The following UGT2B11 variants were observed in gnomAD, a reference collection of about 807,000 sequenced individuals.
The protein encoded by UGT2B11 is UDP glucuronosyltransferase family 2 member B11.
A neutral mutation model predicts 51.7 loss-of-function variants in UGT2B11; 49 were observed. That is an observed-to-expected ratio of 0.95 (90% CI 0.75 to 1.20). UGT2B11 has a LOEUF of 1.20. Ranked by LOEUF, UGT2B11 falls within the 50% of genes most tolerant of loss-of-function variation. The pLI is 0.00. For synonymous variants in UGT2B11, 273 were observed against 209.0 expected, an observed-to-expected ratio of 1.31 and a Z score of -2.64; for missense variants, 810 against 622.1, an observed-to-expected ratio of 1.30 and a Z score of -3.21.
At position 69,200,306 on chromosome 4, in the gene UGT2B11, T is replaced by A. The variant is rs1577957496; in HGVS notation, c.*134A>T. 1.6e-6 allele frequency: 2 copies of A among 1,235,764 alleles called. No homozygotes were observed. Among genetic ancestry groups the A allele is most frequent in the Admixed American group, 3.8e-5 (1 of 26,130 alleles). The allele number at this position is 1,235,764 out of a possible 1,614,324, so 76.5% of individuals were successfully genotyped here. A position where few individuals can be genotyped will look rare whatever the true frequency, so the allele number is the denominator to read the frequency against. On this transcript the variant is annotated 3_prime_UTR_variant, in exon 6 of 6. Coordinates refer to ENST00000446444, the MANE Select transcript of UGT2B11 (RefSeq NM_001073.3). ...CAAATTTTTACTTGACAAGGTAGATTTGAAAATTTTTTTTTTTTTTTTTTT... is the reference window on the plus strand; with the variant it reads ...CAAATTTTTACTTGACAAGGTAGATATGAAAATTTTTTTTTTTTTTTTTTT...
rs555519374 is a variant in UGT2B11, at chr4:69,200,150, A to C, written c.*290T>G. 288 of 233,940 alleles carry C rather than the reference A, an allele frequency of 1.2e-3. 2 individuals carry two copies. The highest frequency in any genetic ancestry group is 2.8e-3 in the Admixed American group (51 of 18,432). The allele number at this position is 233,940 out of a possible 1,614,324, so 14.5% of individuals were successfully genotyped here. A position where few individuals can be genotyped will look rare whatever the true frequency, so the allele number is the denominator to read the frequency against. The stretch of plus-strand genomic sequence containing the variant: ...TGTAACTTGTGAATTCAAACAACAA[A>C]TCTCAATATAAGTGCAACAAATTTC... On this transcript the variant is annotated 3_prime_UTR_variant, in exon 6 of 6. Transcript: ENST00000446444.
chr4:69,208,786 G>A (rs967866339), intron 2 of UGT2B11, among the ~76,000 whole-genome samples: 2 of 151,534 alleles, frequency 1.3e-5, no homozygotes, highest in African/African-American at 4.8e-5. Context: ...AATATACCCA[G>A]ACCCTTCACT....
At chr4:69,219,462 T>C (rs995511108), upstream of UGT2B11, among the ~76,000 whole-genome samples, 9 of 149,888 alleles carry the variant, frequency 6.0e-5, no homozygotes, top group African/African-American at 2.0e-4. Context: ...TGTTCTCTTC[T>C]ATTGATTTTG....
At chr4:69,223,012 G>T in the UGT2B11 span, among the ~76,000 whole-genome samples, 1 of 152,164 alleles carries the variant, frequency 6.6e-6, no homozygotes, top group Admixed American at 6.5e-5. Context: ...AAGCTTGCAG[G>T]CTTGGCACAG....
At chr4:69,213,674 T>C (rs1722157512) in intron 1 of UGT2B11, among the ~76,000 whole-genome samples, 2 of 151,860 alleles carry the variant, frequency 1.3e-5, no homozygotes, top group South Asian at 4.1e-4. Context: ...TTCAGTAAGA[T>C]GTTACTTGAT....
chr4:69,204,366 G>T, intron 5 of UGT2B11, 64 bp downstream of exon 5: 3 of 1,592,258 alleles, frequency 1.9e-6, no homozygotes, highest in South Asian at 2.2e-5. Flanking sequence ...TGAAACTCAT[G>T]CTCACTATTG....
chr4:69,215,232 A>C (rs543582861), upstream of UGT2B11: 1 of 152,798 alleles, frequency 6.5e-6, no homozygotes, highest in East Asian at 1.9e-4. Context: ...AATCAGTTTT[A>C]TCTAAAAAAA....
At chr4:69,212,544 C>A in intron 2 of UGT2B11, 29 bp downstream of exon 2, 1 of 1,593,016 alleles carries the variant, frequency 6.3e-7, no homozygotes, top group Admixed American at 1.8e-5. Context: ...TCGAAGCCAA[C>A]AAAATAAAAC....
upstream of UGT2B11, among the ~76,000 whole-genome samples, chr4:69,217,853 A>G (rs1722312738): frequency 6.6e-6 from 1 of 152,076 alleles, no homozygotes; most frequent in African/African-American, 2.4e-5. Context: ...TTCACAATCA[A>G]GATGCTGGTA....
At chr4:69,212,263 C>T (rs1402644983) in intron 2 of UGT2B11, among the ~76,000 whole-genome samples, 4 of 151,540 alleles carry the variant, frequency 2.6e-5, no homozygotes, top group African/African-American at 9.7e-5. Flanking sequence ...GTGTTTTGTG[C>T]TAATCCTTTT....
chr4:69,212,466 T>C, intron 2 of UGT2B11, 107 bp downstream of exon 2: 1 of 1,535,298 alleles, frequency 6.5e-7, no homozygotes, highest in South Asian at 1.3e-5. Context: ...ACCACCTACT[T>C]CCCATCTTTC....
intron 3 of UGT2B11, among the ~76,000 whole-genome samples, chr4:69,207,299 A>G (rs1577962449): frequency 1.3e-5 from 2 of 151,750 alleles, no homozygotes; most frequent in Admixed American, 6.6e-5. Flanking sequence ...AAACTGAACA[A>G]TAATTTGCAG....
At chr4:69,210,282 G>T (rs532031938) in intron 2 of UGT2B11, among the ~76,000 whole-genome samples, 7 of 151,504 alleles carry the variant, frequency 4.6e-5, no homozygotes, top group African/African-American at 1.2e-4. Flanking sequence ...TTTCCATAAG[G>T]TTTAATAGGT....
At chr4:69,208,330 C>A in intron 3 of UGT2B11, 21 bp downstream of exon 3, 1 of 1,609,122 alleles carries the variant, frequency 6.2e-7, no homozygotes, top group Non-Finnish European at 8.5e-7. Flanking sequence ...TTTTCCACAC[C>A]AGTAAGGCCC....
chr4:69,200,572 G>A lies in UGT2B11; in HGVS notation c.1458C>T (p.Phe486=), dbSNP rs1721616173. The change falls in exon 6 of 6, where the codon TTC becomes TTT. Residue 486 remains phenylalanine (F), a synonymous_variant. Coordinates refer to ENST00000446444, the MANE Select transcript of UGT2B11 (RefSeq NM_001073.3). ...CAATCACATCCAAAGAGTGGTACTG[G>A]AACCAGGTGAGGTCATGGGCTGCAA... The part of the protein sequence containing the change: ...LRVAAHDLTW[F]QYHSLDVIGF... The A allele has an allele frequency of 6.2e-7, 1 of 1,612,414 alleles. No individual in the cohort carries two copies. The highest frequency in any genetic ancestry group is 1.1e-5 in the South Asian group (1 of 91,032).
the UGT2B11 span, among the ~76,000 whole-genome samples, chr4:69,224,595 A>G: frequency 1.7e-3 from 260 of 152,216 alleles, 3 homozygotes; most frequent in African/African-American, 6.1e-3. Flanking sequence ...AGGTCTGATC[A>G]TACTCACCAC....
upstream of UGT2B11, chr4:69,214,750 A>T (rs779392047): frequency 1.2e-6 from 2 of 1,601,654 alleles, no homozygotes; most frequent in East Asian, 4.5e-5. Context: ...ATTCTTTTCC[A>T]GTCACTGTTT....
At chr4:69,223,290 C>T in the UGT2B11 span, among the ~76,000 whole-genome samples, 2 of 152,088 alleles carry the variant, frequency 1.3e-5, no homozygotes, top group African/African-American at 4.8e-5. Context: ...TGGTGCCCAT[C>T]TGGAATTTTA....
At chr4:69,222,922 G>C in the UGT2B11 span, among the ~76,000 whole-genome samples, 2 of 152,152 alleles carry the variant, frequency 1.3e-5, no homozygotes, top group Non-Finnish European at 2.9e-5. Flanking sequence ...GGATGGAGGA[G>C]AGTCAGTGCA....
Sources: allele counts gnomAD v4.1 joint callset (sites outside exome capture counted in the v4.1 genomes callset), GRCh38; gene constraint gnomAD v4.1.1; transcripts MANE v1.5; gene names NCBI Gene and HGNC (gene_info 2026-07-23, HGNC 2026-07-21).